Variants in CDH18 observed in about 807,000 individuals in gnomAD.
CDH18 encodes the protein cadherin 18, also known as cadherin-18.
Under a neutral mutation model 67.9 loss-of-function variants are expected in CDH18, and 31 were observed. The observed-to-expected ratio is 0.46, with a 90% CI of 0.34 to 0.62. The LOEUF (loss-of-function observed/expected upper bound fraction) is 0.62, where lower values mean the gene tolerates loss of function less well. Ranked by LOEUF, CDH18 falls within the 20% of genes least tolerant of loss-of-function variation. CDH18 has a pLI of 0.01. For synonymous variants in CDH18, 362 were observed against 347.2 expected (o/e 1.04, Z -0.48); for missense variants, 890 against 975.5 (o/e 0.91, Z 1.17).
chr5:20,230,447 A>C (rs1412344080), intron 2 of CDH18, among the ~76,000 whole-genome samples: 1 of 152,168 alleles, frequency 6.6e-6, no homozygotes, highest in Non-Finnish European at 1.5e-5. Context: ...GACCAGAAAA[A>C]CTGAGCTTCC....
chr5:19,483,095 CCTT>C (rs1343590979), intron 12 of CDH18, among the ~76,000 whole-genome samples: 5 of 152,210 alleles, frequency 3.3e-5, no homozygotes, highest in African/African-American at 9.6e-5. Context: ...CCGATTTTAT[CCTT>C]CTTCTGTTAT....
chr5:20,204,856 A>T (rs999655949), intron 2 of CDH18, among the ~76,000 whole-genome samples: 2 of 151,932 alleles, frequency 1.3e-5, no homozygotes, highest in Non-Finnish European at 2.9e-5. Context: ...CTCTAAAATA[A>T]CTTGTTTAAG....
intron 2 of CDH18, among the ~76,000 whole-genome samples, chr5:20,163,801 C>T (rs1410278102): frequency 6.6e-6 from 1 of 152,166 alleles, no homozygotes; most frequent in African/African-American, 2.4e-5. Flanking sequence ...TGCAAACATA[C>T]AACAACCCAT....
chr5:20,409,174 C>T (rs989900071), intron 1 of CDH18, among the ~76,000 whole-genome samples: 12 of 151,702 alleles, frequency 7.9e-5, no homozygotes, highest in African/African-American at 2.9e-4. Context: ...GCGAATGAAC[C>T]TAACAGGCAT....
chr5:19,968,580 C>G (rs1022323149), intron 2 of CDH18, among the ~76,000 whole-genome samples: 1 of 150,368 alleles, frequency 6.7e-6, no homozygotes, highest in African/African-American at 2.5e-5. Context: ...CTGAGAAAAA[C>G]AAGCAACAGG....
intron 2 of CDH18, among the ~76,000 whole-genome samples, chr5:20,051,251 C>T (rs1016546156): frequency 6.6e-6 from 1 of 151,866 alleles, no homozygotes; most frequent in Admixed American, 6.6e-5. Context: ...TCTGAAATAT[C>T]CACACATTCA....
chr5:20,163,655 C>T (rs558402828), intron 2 of CDH18, among the ~76,000 whole-genome samples: 2 of 152,292 alleles, frequency 1.3e-5, no homozygotes, highest in South Asian at 4.1e-4. Flanking sequence ...TAGGTAGAAA[C>T]TGATCAGCTA....
At chr5:19,875,621 TAC>T (rs1786893471) in intron 2 of CDH18, among the ~76,000 whole-genome samples, 1 of 151,998 alleles carries the variant, frequency 6.6e-6, no homozygotes, top group Non-Finnish European at 1.5e-5. Context: ...TATACATATA[TAC>T]ATACACATAA....
chr5:19,665,086 G>A (rs1757724966), intron 5 of CDH18, among the ~76,000 whole-genome samples: 1 of 151,754 alleles, frequency 6.6e-6, no homozygotes, highest in Non-Finnish European at 1.5e-5. Context: ...TTTAAAAACC[G>A]CAGAGGAATA....
intron 2 of CDH18, among the ~76,000 whole-genome samples, chr5:20,014,705 G>A (rs1232087672): frequency 6.6e-6 from 1 of 152,152 alleles, no homozygotes; most frequent in Non-Finnish European, 1.5e-5. Context: ...ATGAGGAAGT[G>A]GAACATAAGT....
chr5:19,966,991 C>T (rs111613237), intron 2 of CDH18, among the ~76,000 whole-genome samples: 1 of 151,504 alleles, frequency 6.6e-6, no homozygotes, highest in African/African-American at 2.4e-5. Context: ...TATAGCACAT[C>T]CATATAATAT....
rs143490036 is a variant in CDH18, at chr5:20,368,459, A to T, written c.-579-112954T>A. Among the ~76,000 whole-genome samples, 250 of 152,320 alleles carry T rather than the reference A, an allele frequency of 1.6e-3. 2 individuals carry two copies. Among genetic ancestry groups the T allele is most frequent in the African/African-American group, 5.9e-3 (247 of 41,570 alleles). On this transcript the variant is annotated intron_variant, in intron 1 of 14. Transcript: ENST00000507958. ...AATTGACACAATTCCATAGTACACA[A>T]TGCAAAGAAAAGGAGTAGACAGAAA...
At chr5:19,763,047 A>G (rs1427788247) in intron 3 of CDH18, among the ~76,000 whole-genome samples, 1 of 152,172 alleles carries the variant, frequency 6.6e-6, no homozygotes, top group Non-Finnish European at 1.5e-5. Flanking sequence ...GAATTGAACA[A>G]TGAGAACACT....
At chr5:20,233,540 T>C (rs1287740989) in intron 2 of CDH18, among the ~76,000 whole-genome samples, 3 of 152,100 alleles carry the variant, frequency 2.0e-5, no homozygotes, top group Non-Finnish European at 4.4e-5. Flanking sequence ...ATACATTGTA[T>C]GTAATGTTCC....
At chr5:20,298,165 T>C (rs370429525) in intron 1 of CDH18, among the ~76,000 whole-genome samples, 171 of 152,116 alleles carry the variant, frequency 1.1e-3, no homozygotes, top group African/African-American at 3.8e-3. Flanking sequence ...ACTTTTTGCA[T>C]AGGGAAAAAA....
chr5:20,078,475 A>AAAAAAC (rs1438747484), intron 2 of CDH18, among the ~76,000 whole-genome samples: 1 of 152,136 alleles, frequency 6.6e-6, no homozygotes, highest in East Asian at 1.9e-4. Flanking sequence ...AACAAAAAAC[A>AAAAAAC]AAAAACAAAA....
chr5:20,049,338 A>G (rs1013688430), intron 2 of CDH18, among the ~76,000 whole-genome samples: 3 of 151,664 alleles, frequency 2.0e-5, no homozygotes, highest in East Asian at 3.9e-4. Context: ...AATACATGAC[A>G]CTGGAGCCTA....
intron 2 of CDH18, among the ~76,000 whole-genome samples, chr5:19,851,132 A>G (rs1216609459): frequency 1.3e-5 from 2 of 151,840 alleles, no homozygotes; most frequent in Non-Finnish European, 2.9e-5. Context: ...TTATTAGATA[A>G]TTTGAAGATC....
chr5:19,637,800 T>A (rs568104891), intron 5 of CDH18, among the ~76,000 whole-genome samples: 1 of 152,246 alleles, frequency 6.6e-6, no homozygotes, highest in East Asian at 1.9e-4. Flanking sequence ...TGGATATAAA[T>A]TCCCAATTTT....
Sources: allele counts gnomAD v4.1 joint callset (sites outside exome capture counted in the v4.1 genomes callset), GRCh38; gene constraint gnomAD v4.1.1; transcripts MANE v1.5; gene names NCBI Gene and HGNC (gene_info 2026-07-23, HGNC 2026-07-21).